Variants in GAS2 observed in about 807,000 individuals in gnomAD.
The protein encoded by GAS2 is growth arrest-specific protein 2.
Under a neutral mutation model 37.5 loss-of-function variants are expected in GAS2, and 20 were observed. The ratio of observed to expected loss-of-function variants is 0.53; its 90% CI spans 0.37 to 0.77. The LOEUF (loss-of-function observed/expected upper bound fraction) is 0.77, where lower values mean the gene tolerates loss of function less well. Ranked by LOEUF, GAS2 falls within the 30% of genes least tolerant of loss-of-function variation. The pLI, the probability that GAS2 is intolerant of heterozygous loss-of-function variation, is 0.00. For synonymous variants in GAS2, 144 were observed against 132.2 expected, an observed-to-expected ratio of 1.09 and a Z score of -0.61; for missense variants, 336 against 373.4, an observed-to-expected ratio of 0.90 and a Z score of 0.82.
intron 1 of GAS2, among the ~76,000 whole-genome samples, chr11:22,653,082 CTCCT>C (rs67510700): frequency 0.21 from 24,070 of 115,080 alleles, 2,175 homozygotes; most frequent in East Asian, 0.27. Context: ...TTCTCTCTCT[CTCCT>C]TCCTTCCTTC....
chr11:22,750,535 A>G (rs1853668980), intron 6 of GAS2, among the ~76,000 whole-genome samples: 1 of 152,088 alleles, frequency 6.6e-6, no homozygotes, highest in Non-Finnish European at 1.5e-5. Flanking sequence ...AAGAACAGGA[A>G]AGACATTTTG....
In GAS2 at chr11:22,762,481, A is replaced by G. The variant is rs565753250; in HGVS notation, c.723+6528A>G. Reference sequence around the variant, plus strand: ...AGCCGTGACTTGCCAAACCTATAACACATTCCACTCCAAGCTGCCACCTGT... The same window carrying G: ...AGCCGTGACTTGCCAAACCTATAACGCATTCCACTCCAAGCTGCCACCTGT... On this transcript the variant is annotated intron_variant, in intron 7 of 7. Transcript: ENST00000454584. 3.3e-5 allele frequency among the ~76,000 whole-genome samples: 5 copies of G among 152,296 alleles called. 1 individual carries two copies. Among genetic ancestry groups the G allele is most frequent in the African/African-American group, 1.2e-4 (5 of 41,584 alleles).
intron 3 of GAS2, among the ~76,000 whole-genome samples, chr11:22,698,162 T>C (rs1243676445): frequency 6.6e-6 from 1 of 151,888 alleles, no homozygotes; most frequent in South Asian, 2.1e-4. Context: ...ATCAAATAGA[T>C]GCAATAAAAA....
rs543906436 is a variant in GAS2, at chr11:22,695,336, G to C, written c.267+9547G>C. On this transcript the variant is annotated intron_variant, in intron 3 of 7. Coordinates refer to ENST00000454584, the MANE Select transcript of GAS2 (RefSeq NM_001143830.3). ...CTCCTTCTCAAAAAGAAAAAAAAAAGACTCTTTATTCTGTGGCTAGCTGAG... is the reference window on the plus strand; with the variant it reads ...CTCCTTCTCAAAAAGAAAAAAAAAACACTCTTTATTCTGTGGCTAGCTGAG... Among the ~76,000 whole-genome samples the C allele has an allele frequency of 1.1e-3, 173 of 151,060 alleles. 1 individual carries two copies. The highest frequency in any genetic ancestry group is 4.1e-3 in the African/African-American group (169 of 41,156).
At chr11:22,796,059 T>G (rs1447529709) in intron 7 of GAS2, among the ~76,000 whole-genome samples, 1 of 152,172 alleles carries the variant, frequency 6.6e-6, no homozygotes, top group Non-Finnish European at 1.5e-5. Flanking sequence ...TGCTTTATCA[T>G]ATATTTTTCC....
At chr11:22,684,219 G>C (rs1342707541) in intron 2 of GAS2, among the ~76,000 whole-genome samples, 2 of 152,126 alleles carry the variant, frequency 1.3e-5, no homozygotes, top group Non-Finnish European at 2.9e-5. Context: ...GGAGACCTTT[G>C]GATATTGGGT....
rs144166244 is a variant in GAS2 at position 22,711,462 on chromosome 11, G to A, written c.268-14830G>A. 5.7e-3 allele frequency among the ~76,000 whole-genome samples: 874 copies of A among 152,316 alleles called. 14 individuals carry two copies. The highest frequency in any genetic ancestry group is 0.019 in the African/African-American group (792 of 41,576). The stretch of plus-strand genomic sequence containing the variant: ...TGAACTTTGTAATAATTTCGACTGA[G>A]CACAAACTTTCCTGAGCAGAATCAG... On this transcript the variant is annotated intron_variant, in intron 3 of 7. Coordinates refer to ENST00000454584, the MANE Select transcript of GAS2 (RefSeq NM_001143830.3).
At position 22,642,567 on chromosome 11, in the gene GAS2, TG is replaced by T. The variant is rs1233969366; in HGVS notation, c.-21+16755del. Among the ~76,000 whole-genome samples the T allele has an allele frequency of 1.8e-3, 273 of 152,216 alleles. 2 individuals are homozygous for T. Among genetic ancestry groups the T allele is most frequent in the African/African-American group, 6.4e-3 (266 of 41,544 alleles). ...GCCCCTGGATAAGAAAATTATAGAATGTAATAGATAATTAGTGGATAATAAG... is the reference window on the plus strand; with the variant it reads ...GCCCCTGGATAAGAAAATTATAGAATTAATAGATAATTAGTGGATAATAAG... On this transcript the variant is annotated intron_variant, in intron 1 of 5. Coordinates refer to the GAS2 transcript ENST00000528582.
At chr11:22,649,775 AT>A (rs911404817) in intron 1 of GAS2, among the ~76,000 whole-genome samples, 82 of 151,778 alleles carry the variant, frequency 5.4e-4, no homozygotes, top group African/African-American at 1.8e-3. Flanking sequence ...CCCCTTTATC[AT>A]TTTTTATTGC....
chr11:22,679,644 A>G (rs1163373048), intron 2 of GAS2, among the ~76,000 whole-genome samples: 1 of 152,124 alleles, frequency 6.6e-6, no homozygotes, highest in Non-Finnish European at 1.5e-5. Context: ...ATGTATTTTT[A>G]ATTTAAAATG....
At chr11:22,785,765 G>A (rs1855788930) in intron 7 of GAS2, among the ~76,000 whole-genome samples, 1 of 151,950 alleles carries the variant, frequency 6.6e-6, no homozygotes, top group Non-Finnish European at 1.5e-5. Flanking sequence ...CCTCTTCCTT[G>A]TCGCTCTCTT....
chr11:22,659,902 AAGGGAGGGAGGAAGGG>A (rs1344095860), intron 1 of GAS2, among the ~76,000 whole-genome samples: 3 of 126,368 alleles, frequency 2.4e-5, no homozygotes, highest in Admixed American at 8.2e-5. Context: ...GGGAGGGAGG[AAGGGAGGGAGGAAGGG>A]AGGGAGGGAG....
chr11:22,772,248 C>T (rs1008500164), intron 7 of GAS2, among the ~76,000 whole-genome samples: 27 of 152,144 alleles, frequency 1.8e-4, no homozygotes, highest in Admixed American at 1.6e-3. Context: ...TCACCAAAGT[C>T]GATTGAACCC....
intron 2 of GAS2, among the ~76,000 whole-genome samples, chr11:22,677,875 C>G (rs1340511794): frequency 1.3e-5 from 2 of 152,120 alleles, no homozygotes; most frequent in African/African-American, 4.8e-5. Flanking sequence ...ATCCAAAAGT[C>G]TGAGTTTTAG....
At chr11:22,656,893 C>T (rs186171621) in intron 1 of GAS2, among the ~76,000 whole-genome samples, 1 of 152,262 alleles carries the variant, frequency 6.6e-6, no homozygotes, top group East Asian at 1.9e-4. Flanking sequence ...ATATATTTTA[C>T]ACGTCATTTC....
intron 7 of GAS2, among the ~76,000 whole-genome samples, chr11:22,792,012 A>G (rs1305026153): frequency 6.6e-6 from 1 of 152,252 alleles, no homozygotes; most frequent in African/African-American, 2.4e-5. Flanking sequence ...ACTGACATGA[A>G]GTGATATGGA....
At chr11:22,749,039 G>A in intron 5 of GAS2, 81 bp from the exon 6 acceptor site, 4 of 1,291,444 alleles carry the variant, frequency 3.1e-6, no homozygotes, top group Non-Finnish European at 4.3e-6. Flanking sequence ...TTACTCCCAT[G>A]GTGCTCATCA....
At chr11:22,744,430 C>T (rs1489190108) in intron 5 of GAS2, among the ~76,000 whole-genome samples, 1 of 152,072 alleles carries the variant, frequency 6.6e-6, no homozygotes, top group African/African-American at 2.4e-5. Context: ...TTTAACAGCA[C>T]ATCGAAAAGT....
chr11:22,796,566 C>T (rs1201611334), intron 7 of GAS2, among the ~76,000 whole-genome samples: 1 of 152,072 alleles, frequency 6.6e-6, no homozygotes, highest in African/African-American at 2.4e-5. Context: ...ATAGAAAGAA[C>T]TGAATGTATT....
Sources: allele counts gnomAD v4.1 joint callset (sites outside exome capture counted in the v4.1 genomes callset), GRCh38; gene constraint gnomAD v4.1.1; transcripts MANE v1.5; gene names NCBI Gene and HGNC (gene_info 2026-07-23, HGNC 2026-07-21).